The following ULK2 variants were observed in gnomAD, a reference collection of about 807,000 sequenced individuals.
ULK2 encodes the protein serine/threonine-protein kinase ULK2.
In ULK2, 76 loss-of-function variants were observed where a neutral mutation model predicts 127.5. That is an observed-to-expected ratio of 0.60 (90% CI 0.50 to 0.72). ULK2 has a LOEUF of 0.72. Among genes scored for constraint, ULK2 ranks in the 30% least tolerant of loss-of-function variants. The probability of loss-of-function intolerance (pLI) is 0.00; values close to 1 mark genes in which losing one functional copy is unlikely to be tolerated. For synonymous variants in ULK2, 452 were observed against 461.9 expected (o/e 0.98, Z 0.28); for missense variants, 1,144 against 1,295.9 (o/e 0.88, Z 1.80).
rs561392543 is a variant in ULK2, at chr17:19,821,909, C to T, written c.924+3185G>A. On this transcript the variant is annotated intron_variant, in intron 12 of 26. Coordinates refer to ENST00000395544, the MANE Select transcript of ULK2 (RefSeq NM_014683.4). ...CCATGTTGCCCAAGTTGGTCTCAAA[C>T]TCCTGGGCTCAAGCAATCCTCCCAC... Among the ~76,000 whole-genome samples the T allele has an allele frequency of 6.6e-5, 10 of 151,676 alleles. No individual in the cohort carries two copies. The South Asian group carries it at 1.9e-3, about 28-fold the overall frequency.
chr17:19,824,635 A>G (rs2041244048), intron 12 of ULK2, among the ~76,000 whole-genome samples: 1 of 152,098 alleles, frequency 6.6e-6, no homozygotes, highest in Non-Finnish European at 1.5e-5. Context: ...TTAAAGCGCC[A>G]GAAATCATGA....
At chr17:19,849,671 T>G (rs2041969606) in intron 4 of ULK2, 71 bp downstream of exon 4, 2 of 1,110,398 alleles carry the variant, frequency 1.8e-6, no homozygotes. Flanking sequence ...ATATGCAGAT[T>G]TATGCTAGAA....
intron 10 of ULK2, among the ~76,000 whole-genome samples, chr17:19,836,218 G>A (rs2041594182): frequency 6.6e-6 from 1 of 151,934 alleles, no homozygotes; most frequent in Non-Finnish European, 1.5e-5. Context: ...AGATCAGCCT[G>A]ACCAACATGG....
intron 18 of ULK2, among the ~76,000 whole-genome samples, chr17:19,797,056 G>A (rs1329695032): frequency 6.6e-6 from 1 of 152,214 alleles, no homozygotes; most frequent in Non-Finnish European, 1.5e-5. Flanking sequence ...CATTTTGGGA[G>A]ACTGAGGCAG....
intron 3 of ULK2, among the ~76,000 whole-genome samples, chr17:19,854,956 T>C (rs1327026702): frequency 7.3e-5 from 11 of 149,738 alleles, no homozygotes; most frequent in African/African-American, 2.5e-4. Context: ...AAAAATTAGC[T>C]GGGCTTGGTG....
At chr17:19,831,193 C>T (rs988295734) in intron 10 of ULK2, among the ~76,000 whole-genome samples, 1 of 152,060 alleles carries the variant, frequency 6.6e-6, no homozygotes, top group Admixed American at 6.6e-5. Flanking sequence ...ATGTACCACA[C>T]TTTCAAACCA....
In ULK2 at chr17:19,785,995, TGGA is replaced by T; in HGVS notation, c.2190_2192del (p.Pro731del). The T allele has an allele frequency of 6.3e-7, 1 of 1,591,294 alleles. No homozygotes were observed. The highest frequency in any genetic ancestry group is 1.1e-5 in the South Asian group (1 of 87,766). On this transcript the variant is annotated inframe_deletion, in exon 21 of 27. Coordinates refer to ENST00000395544, the MANE Select transcript of ULK2 (RefSeq NM_014683.4). ...TACAAGTGGGGGCTGCCGCACTGTG[TGGA>T]GGAGACCCTACAGTGAAGAGGACAG...
At chr17:19,835,745 C>T (rs1358718866) in intron 10 of ULK2, among the ~76,000 whole-genome samples, 1 of 150,078 alleles carries the variant, frequency 6.7e-6, no homozygotes, top group Admixed American at 6.7e-5. Context: ...ACCGTAATCC[C>T]TAGAGCAATC....
intron 3 of ULK2, among the ~76,000 whole-genome samples, chr17:19,861,869 T>C (rs1312471900): frequency 2.0e-5 from 3 of 152,158 alleles, no homozygotes; most frequent in South Asian, 2.1e-4. Context: ...TCTGAACAGG[T>C]AATAAAATAT....
In ULK2 at chr17:19,804,471, AAAATATATAC is replaced by A. The variant is rs557885161; in HGVS notation, c.1295+212_1295+221del. 2.4e-3 allele frequency among the ~76,000 whole-genome samples: 362 copies of A among 151,936 alleles called. 2 individuals carry two copies. The highest frequency in any genetic ancestry group is 3.6e-3 in the Admixed American group (55 of 15,248). On this transcript the variant is annotated intron_variant, in intron 15 of 26. Coordinates refer to ENST00000395544, the MANE Select transcript of ULK2 (RefSeq NM_014683.4). ...ATACACATGTATACTTAACATATATAAAATATATACAAATATATACATATCATACTATATT... is the reference window on the plus strand; with the variant it reads ...ATACACATGTATACTTAACATATATAAAATATATACATATCATACTATATT...
chr17:19,857,594 T>A (rs2152401873), intron 3 of ULK2, among the ~76,000 whole-genome samples: 1 of 152,330 alleles, frequency 6.6e-6, no homozygotes, highest in South Asian at 2.1e-4. Flanking sequence ...CTTGCGATAC[T>A]AAAAATTACC....
intron 25 of ULK2, among the ~76,000 whole-genome samples, chr17:19,779,386 G>T (rs2086870691): frequency 6.6e-6 from 1 of 152,036 alleles, no homozygotes; most frequent in African/African-American, 2.4e-5. Flanking sequence ...ACAAAAATTA[G>T]CTGGGTGTGG....
chr17:19,859,230 T>C (rs2042193048), intron 3 of ULK2, among the ~76,000 whole-genome samples: 1 of 152,116 alleles, frequency 6.6e-6, no homozygotes, highest in African/African-American at 2.4e-5. Flanking sequence ...AGAACTAGTA[T>C]AGGCTGAGTG....
intron 3 of ULK2, among the ~76,000 whole-genome samples, chr17:19,859,429 GA>G (rs2042197958): frequency 6.6e-6 from 1 of 152,182 alleles, no homozygotes; most frequent in Admixed American, 6.6e-5. Context: ...TGAGGCAAGA[GA>G]ATCACTTGAA....
At chr17:19,830,180 G>A (rs1011848148) in intron 10 of ULK2, among the ~76,000 whole-genome samples, 13 of 151,968 alleles carry the variant, frequency 8.6e-5, no homozygotes, top group Non-Finnish European at 1.5e-4. Context: ...CCACACCTTA[G>A]GCCACAAAAC....
At chr17:19,780,389 G>A in intron 25 of ULK2, 83 bp downstream of exon 25, 1 of 1,258,544 alleles carries the variant, frequency 7.9e-7, no homozygotes, top group Non-Finnish European at 1.1e-6. Context: ...CTTTTAAAAG[G>A]ATAGCTGTCA....
chr17:19,831,239 C>A (rs1440389116), intron 10 of ULK2, among the ~76,000 whole-genome samples: 2 of 151,948 alleles, frequency 1.3e-5, no homozygotes, highest in Admixed American at 6.6e-5. Context: ...ACGAGAACAG[C>A]ATAGAGGAAA....
At chr17:19,778,147 T>G (rs1316141894) in intron 25 of ULK2, among the ~76,000 whole-genome samples, 1 of 152,250 alleles carries the variant, frequency 6.6e-6, no homozygotes, top group Non-Finnish European at 1.5e-5. Context: ...AAATAATTTT[T>G]GGGTGTAGTC....
intron 20 of ULK2, among the ~76,000 whole-genome samples, chr17:19,794,671 C>A (rs1237016548): frequency 6.6e-6 from 1 of 151,340 alleles, no homozygotes; most frequent in African/African-American, 2.4e-5. Context: ...ACGATGCTGG[C>A]TCAGATATTT....
Sources: allele counts gnomAD v4.1 joint callset (sites outside exome capture counted in the v4.1 genomes callset), GRCh38; gene constraint gnomAD v4.1.1; transcripts MANE v1.5; gene names NCBI Gene and HGNC (gene_info 2026-07-23, HGNC 2026-07-21).